Variants in AK5 observed in about 807,000 individuals in gnomAD.
AK5 encodes the protein adenylate kinase isoenzyme 5.
In AK5, 27 loss-of-function variants were observed where a neutral mutation model predicts 69.5. That is an observed-to-expected ratio of 0.39 (90% confidence interval 0.29 to 0.54). AK5 has a LOEUF of 0.54. Among genes scored for constraint, AK5 ranks in the 20% least tolerant of loss-of-function variants. AK5 has a pLI of 0.71. For synonymous variants in AK5, 260 were observed against 244.4 expected (o/e 1.06, Z -0.60); for missense variants, 531 against 700.4 (o/e 0.76, Z 2.73).
At chr1:77,531,893 C>G (rs1342268086) in intron 12 of AK5, among the ~76,000 whole-genome samples, 1 of 151,840 alleles carries the variant, frequency 6.6e-6, no homozygotes, top group Non-Finnish European at 1.5e-5. Context: ...CTGCAGGTCC[C>G]GAGCCCTGCC....
At chr1:77,521,285 G>T (rs915844204) in intron 11 of AK5, among the ~76,000 whole-genome samples, 3 of 151,892 alleles carry the variant, frequency 2.0e-5, no homozygotes, top group African/African-American at 7.3e-5. Flanking sequence ...AGGTGCCCAC[G>T]GCAATGCCCG....
At position 77,463,248 on chromosome 1, in the gene AK5, G is replaced by A. The variant is rs377451970; in HGVS notation, c.1060-20069G>A. On this transcript the variant is annotated intron_variant, in intron 8 of 13. Transcript: ENST00000354567. The stretch of plus-strand genomic sequence containing the variant: ...TCTCCTTCTCTGGGGAGGAGTAAGT[G>A]AGGGATCAGAGCACAGCACAGTTAG... 2.0e-5 allele frequency among the ~76,000 whole-genome samples: 3 copies of A among 152,330 alleles called. No individual in the cohort carries two copies. In the South Asian group the frequency reaches 6.2e-4, roughly 32 times the overall value.
intron 10 of AK5, among the ~76,000 whole-genome samples, chr1:77,508,814 C>G (rs1657162444): frequency 6.6e-6 from 1 of 151,456 alleles, no homozygotes; most frequent in Admixed American, 6.6e-5. Flanking sequence ...TTGCAGTGAA[C>G]CAAGATCATG....
At chr1:77,530,288 A>G (rs1658510075) in intron 12 of AK5, among the ~76,000 whole-genome samples, 1 of 152,224 alleles carries the variant, frequency 6.6e-6, no homozygotes, top group Non-Finnish European at 1.5e-5. Flanking sequence ...GGGAGAAGTT[A>G]TATATCAATT....
chr1:77,505,727 A>T (rs1656987959), intron 10 of AK5, among the ~76,000 whole-genome samples: 1 of 151,376 alleles, frequency 6.6e-6, no homozygotes, highest in South Asian at 2.1e-4. Context: ...AAGTAAAAAA[A>T]AAAAAACAAA....
chr1:77,500,982 C>T (rs1265613112), intron 10 of AK5, among the ~76,000 whole-genome samples: 1 of 152,048 alleles, frequency 6.6e-6, no homozygotes, highest in Non-Finnish European at 1.5e-5. Flanking sequence ...GTAGAATTAA[C>T]TGAAAAAGAA....
At chr1:77,545,962 G>A (rs998457218) in intron 13 of AK5, among the ~76,000 whole-genome samples, 2 of 152,178 alleles carry the variant, frequency 1.3e-5, no homozygotes, top group Admixed American at 6.5e-5. Context: ...CTGGCTCTGA[G>A]AGACTTAAGA....
intron 5 of AK5, among the ~76,000 whole-genome samples, chr1:77,300,980 C>T (rs753631041): frequency 3.2e-4 from 48 of 151,824 alleles, no homozygotes; most frequent in Admixed American, 9.8e-4. Context: ...GGCACATACA[C>T]ACATGCCAAC....
At chr1:77,441,812 G>A (rs949837990) in intron 8 of AK5, among the ~76,000 whole-genome samples, 5 of 152,174 alleles carry the variant, frequency 3.3e-5, no homozygotes, top group African/African-American at 1.2e-4. Flanking sequence ...TGGGGCCAGA[G>A]TTCTGTGCTC....
In AK5 at chr1:77,372,399, CT is replaced by C. The variant is rs1162672945; in HGVS notation, c.891+31836del. Among the ~76,000 whole-genome samples the C allele has an allele frequency of 3.9e-5, 6 of 152,104 alleles. No homozygotes were observed. In the South Asian group the frequency reaches 1.0e-3, roughly 26 times the overall value. Reference sequence around the variant, plus strand: ...AAGACTTCCCACACACCACTCTCACCTTTTTAATGGAAAAACAGTTATTACA... The same window carrying C: ...AAGACTTCCCACACACCACTCTCACCTTTTAATGGAAAAACAGTTATTACA... On this transcript the variant is annotated intron_variant, in intron 6 of 13. Transcript: ENST00000354567.
intron 5 of AK5, among the ~76,000 whole-genome samples, chr1:77,298,929 T>TC (rs1659177525): frequency 6.6e-6 from 1 of 152,178 alleles, no homozygotes; most frequent in South Asian, 2.1e-4. Context: ...ACCCTCCCAT[T>TC]CCGCTGCTCC....
At chr1:77,407,218 A>T (rs1365194300) in intron 6 of AK5, among the ~76,000 whole-genome samples, 2 of 152,188 alleles carry the variant, frequency 1.3e-5, no homozygotes, top group African/African-American at 4.8e-5. Context: ...AAATTTTTTT[A>T]AAAGGCTCAA....
At chr1:77,379,955 C>T (rs1647512060) in intron 6 of AK5, among the ~76,000 whole-genome samples, 1 of 152,188 alleles carries the variant, frequency 6.6e-6, no homozygotes, top group Non-Finnish European at 1.5e-5. Flanking sequence ...TTTAAATCTG[C>T]TTCTGTAGCA....
At chr1:77,541,096 T>TG (rs956459189) in intron 13 of AK5, among the ~76,000 whole-genome samples, 6 of 152,066 alleles carry the variant, frequency 3.9e-5, no homozygotes, top group Non-Finnish European at 8.8e-5. Flanking sequence ...TTATTAGAGA[T>TG]GGGGTTTCTC....
intron 5 of AK5, among the ~76,000 whole-genome samples, chr1:77,322,294 G>C (rs1261091501): frequency 6.6e-6 from 1 of 151,662 alleles, no homozygotes; most frequent in Non-Finnish European, 1.5e-5. Flanking sequence ...TTTTCTGTGA[G>C]TCATGGCCTA....
chr1:77,535,784 G>A, intron 12 of AK5, 63 bp from the exon 13 acceptor site: 1 of 1,491,430 alleles, frequency 6.7e-7, no homozygotes, highest in East Asian at 2.3e-5. Flanking sequence ...GAGGCCCTGG[G>A]CCTTTCCAGA....
chr1:77,467,552 T>G (rs1654217386), intron 8 of AK5, among the ~76,000 whole-genome samples: 1 of 152,246 alleles, frequency 6.6e-6, no homozygotes, highest in Non-Finnish European at 1.5e-5. Context: ...AGTTCTCATA[T>G]GGTAATTTCA....
chr1:77,367,565 A>G (rs1557532514), intron 6 of AK5, among the ~76,000 whole-genome samples: 2 of 11,718 alleles, frequency 1.7e-4, no homozygotes, highest in South Asian at 3.2e-3. Context: ...TTTTATATAT[A>G]TATATATATA....
intron 13 of AK5, among the ~76,000 whole-genome samples, chr1:77,556,737 G>A (rs567352289): frequency 6.6e-5 from 10 of 152,268 alleles, no homozygotes; most frequent in African/African-American, 2.2e-4. Flanking sequence ...ATTTAAATAG[G>A]TAGACAAGAG....
Sources: allele counts gnomAD v4.1 joint callset (sites outside exome capture counted in the v4.1 genomes callset), GRCh38; gene constraint gnomAD v4.1.1; transcripts MANE v1.5; gene names NCBI Gene and HGNC (gene_info 2026-07-23, HGNC 2026-07-21).